Variants in FSTL5 observed in about 807,000 individuals in gnomAD.
The protein encoded by FSTL5 is follistatin like 5.
Under a neutral mutation model 89.1 loss-of-function variants are expected in FSTL5, and 62 were observed. The observed-to-expected ratio is 0.70, with a 90% confidence interval of 0.57 to 0.86. The LOEUF is 0.86. Among genes scored for constraint, FSTL5 ranks in the 40% least tolerant of loss-of-function variants. The pLI is 0.00. For synonymous variants in FSTL5, 383 were observed against 346.2 expected, an observed-to-expected ratio of 1.11 and a Z score of -1.18; for missense variants, 1,057 against 1,001.6, an observed-to-expected ratio of 1.06 and a Z score of -0.75.
chr4:161,573,645 A>G (rs572692108), intron 8 of FSTL5, among the ~76,000 whole-genome samples: 3 of 149,074 alleles, frequency 2.0e-5, no homozygotes, highest in Non-Finnish European at 4.4e-5. Context: ...AGGCAGGAGA[A>G]TCGTTTGAAC....
intron 3 of FSTL5, among the ~76,000 whole-genome samples, chr4:161,941,334 T>C (rs141665456): frequency 1.0e-3 from 157 of 152,048 alleles, no homozygotes; most frequent in African/African-American, 3.6e-3. Flanking sequence ...ATTAAAGTCT[T>C]ATTCAAAAGG....
At chr4:162,058,449 CAG>C (rs1199607259) in intron 2 of FSTL5, among the ~76,000 whole-genome samples, 3 of 105,350 alleles carry the variant, frequency 2.8e-5, no homozygotes, top group African/African-American at 1.2e-4. Flanking sequence ...TTTTTTGAGA[CAG>C]GGTCTCGCTC....
At chr4:161,860,678 A>G (rs1182230902) in intron 4 of FSTL5, among the ~76,000 whole-genome samples, 6 of 152,130 alleles carry the variant, frequency 3.9e-5, no homozygotes, top group Admixed American at 3.9e-4. Flanking sequence ...TTTATATTCT[A>G]TTTGGTGATT....
intron 4 of FSTL5, among the ~76,000 whole-genome samples, chr4:161,801,505 TATC>T (rs971743883): frequency 1.3e-4 from 20 of 151,456 alleles, no homozygotes; most frequent in African/African-American, 4.6e-4. Flanking sequence ...CCTTCTATTT[TATC>T]ATTCTGTGTT....
At chr4:161,399,508 G>A (rs1008882789) in intron 15 of FSTL5, among the ~76,000 whole-genome samples, 20 of 152,068 alleles carry the variant, frequency 1.3e-4, no homozygotes, top group African/African-American at 4.6e-4. Flanking sequence ...TAAAACGGCA[G>A]GCAACCACAT....
chr4:161,413,137 G>A (rs1378777759), intron 15 of FSTL5, among the ~76,000 whole-genome samples: 1 of 151,444 alleles, frequency 6.6e-6, no homozygotes, highest in Non-Finnish European at 1.5e-5. Flanking sequence ...CTACAGAATG[G>A]GAGAAGATAA....
At chr4:161,700,075 T>G (rs1579031751) in intron 6 of FSTL5, among the ~76,000 whole-genome samples, 1 of 152,226 alleles carries the variant, frequency 6.6e-6, no homozygotes, top group South Asian at 2.1e-4. Context: ...TCTTGTTGCA[T>G]GGAGCAAAAA....
intron 7 of FSTL5, among the ~76,000 whole-genome samples, chr4:161,611,410 C>T (rs531866127): frequency 1.3e-5 from 2 of 151,722 alleles, no homozygotes; most frequent in East Asian, 3.9e-4. Context: ...ACACACCTAA[C>T]AAATATTAAT....
rs923693805 is a variant in FSTL5 at position 161,571,074 on chromosome 4, A to C, written c.1015+16381T>G. On this transcript the variant is annotated intron_variant, in intron 8 of 15. Coordinates refer to ENST00000306100, the MANE Select transcript of FSTL5 (RefSeq NM_020116.5). ...CGGTGAGCCAAGATCACGCCACTGCATTCTAGCCTGGGTGACAGAGCAAGA... is the reference window on the plus strand; with the variant it reads ...CGGTGAGCCAAGATCACGCCACTGCCTTCTAGCCTGGGTGACAGAGCAAGA... Among the ~76,000 whole-genome samples, 6 of 152,116 alleles carry C rather than the reference A, an allele frequency of 3.9e-5. No homozygotes were observed. In the East Asian group the frequency reaches 1.2e-3, roughly 29 times the overall value.
At chr4:162,065,517 A>G (rs113491679) in intron 2 of FSTL5, among the ~76,000 whole-genome samples, 29 of 152,180 alleles carry the variant, frequency 1.9e-4, no homozygotes, top group Middle Eastern at 3.4e-3. Context: ...ATCACCTAGT[A>G]CATGCGAGCA....
intron 15 of FSTL5, among the ~76,000 whole-genome samples, chr4:161,444,414 G>A (rs1732877202): frequency 6.6e-6 from 1 of 151,710 alleles, no homozygotes; most frequent in African/African-American, 2.4e-5. Flanking sequence ...TAAATACTTT[G>A]TTGAAGGTCT....
At chr4:161,726,269 C>G (rs186706495) in intron 6 of FSTL5, among the ~76,000 whole-genome samples, 2 of 146,882 alleles carry the variant, frequency 1.4e-5, no homozygotes, top group African/African-American at 5.1e-5. Flanking sequence ...CTCTCTTACC[C>G]AGGCTGGAGT....
At chr4:161,762,578 T>TATC (rs1016187942) in intron 5 of FSTL5, among the ~76,000 whole-genome samples, 4 of 152,230 alleles carry the variant, frequency 2.6e-5, no homozygotes, top group African/African-American at 9.6e-5. Flanking sequence ...TGCTATTTTT[T>TATC]ATCTCATACC....
chr4:161,678,508 A>C (rs1393158308), intron 6 of FSTL5, among the ~76,000 whole-genome samples: 1 of 151,938 alleles, frequency 6.6e-6, no homozygotes, highest in Non-Finnish European at 1.5e-5. Flanking sequence ...TAGAAAAAGA[A>C]TATTACAATT....
At chr4:161,779,791 AT>A (rs1741575576) in intron 4 of FSTL5, among the ~76,000 whole-genome samples, 1 of 51,560 alleles carries the variant, frequency 1.9e-5, no homozygotes. Flanking sequence ...ATATATATAT[AT>A]ATATATATAT....
chr4:161,801,404 C>G (rs1210970087), intron 4 of FSTL5, among the ~76,000 whole-genome samples: 2 of 151,554 alleles, frequency 1.3e-5, no homozygotes, highest in East Asian at 1.9e-4. Flanking sequence ...TCGTTCTCAG[C>G]TTTATGCCTT....
chr4:161,509,271 C>G, intron 11 of FSTL5, among the ~76,000 whole-genome samples: 1 of 152,156 alleles, frequency 6.6e-6, no homozygotes, highest in East Asian at 1.9e-4. Flanking sequence ...CCGTTGAACT[C>G]CAGCCTGGGC....
intron 1 of FSTL5, among the ~76,000 whole-genome samples, chr4:162,139,195 A>G (rs1215425632): frequency 6.6e-6 from 1 of 152,044 alleles, no homozygotes; most frequent in East Asian, 1.9e-4. Flanking sequence ...AAGAATGAAC[A>G]TTGTACCCAG....
intron 4 of FSTL5, among the ~76,000 whole-genome samples, chr4:161,851,769 T>G (rs765568443): frequency 3.3e-5 from 5 of 151,868 alleles, no homozygotes; most frequent in Non-Finnish European, 7.4e-5. Context: ...TTTGATAATA[T>G]ATTACTTACA....
Sources: allele counts gnomAD v4.1 joint callset (sites outside exome capture counted in the v4.1 genomes callset), GRCh38; gene constraint gnomAD v4.1.1; transcripts MANE v1.5; gene names NCBI Gene and HGNC (gene_info 2026-07-23, HGNC 2026-07-21).